ATP8B4: variants seen among roughly 807,000 people sequenced by gnomAD.
ATP8B4 encodes the protein ATPase phospholipid transporting 8B4 (putative), also known as probable phospholipid-transporting ATPase IM.
In ATP8B4, 133 loss-of-function variants were observed where a neutral mutation model predicts 145.6. That is an observed-to-expected ratio of 0.91 (90% CI 0.79 to 1.05). The LOEUF (loss-of-function observed/expected upper bound fraction) is 1.05. Among genes scored for constraint, ATP8B4 ranks in the 50% least tolerant of loss-of-function variants. The probability of loss-of-function intolerance (pLI) is 0.00; values close to 1 mark genes in which losing one functional copy is unlikely to be tolerated. For missense variants in ATP8B4, 1,458 were observed against 1,425.2 expected (o/e 1.02, Z -0.37); for synonymous variants, 507 against 492.9 (o/e 1.03, Z -0.38).
chr15:49,963,711 G>A (rs1463197429), intron 13 of ATP8B4, among the ~76,000 whole-genome samples: 1 of 152,102 alleles, frequency 6.6e-6, no homozygotes, highest in Admixed American at 6.5e-5. Context: ...TGAATGATGA[G>A]AACACATGGA....
chr15:49,954,979 A>C (rs766527676), intron 14 of ATP8B4, among the ~76,000 whole-genome samples: 1 of 152,250 alleles, frequency 6.6e-6, no homozygotes, highest in African/African-American at 2.4e-5. Context: ...TACACTATGC[A>C]GTACTATGCA....
At chr15:50,080,735 C>T (rs1009699482) in intron 2 of ATP8B4, among the ~76,000 whole-genome samples, 1 of 152,056 alleles carries the variant, frequency 6.6e-6, no homozygotes, top group African/African-American at 2.4e-5. Flanking sequence ...GTCTGGCCCC[C>T]TGCTAGAAAT....
At chr15:49,991,590 G>A (rs75457831) in intron 9 of ATP8B4, among the ~76,000 whole-genome samples, 4,726 of 152,198 alleles carry the variant, frequency 0.031, 252 homozygotes, top group African/African-American at 0.11. Context: ...TATAATATTA[G>A]ATCAAGTTAT....
intron 2 of ATP8B4, among the ~76,000 whole-genome samples, chr15:50,085,885 T>TTATATATGATATATATCATATATATA (rs2054898604): frequency 2.9e-5 from 2 of 69,398 alleles, no homozygotes; most frequent in African/African-American, 1.1e-4. Flanking sequence ...ATTTATATAT[T>TTATATATGATATATATCATATATATA]TATATATGAT....
intron 14 of ATP8B4, among the ~76,000 whole-genome samples, chr15:49,942,289 T>G (rs980194651): frequency 1.5e-4 from 23 of 151,884 alleles, no homozygotes; most frequent in Admixed American, 3.3e-4. Context: ...TAATAAAAGA[T>G]GAAGTACATT....
intron 3 of ATP8B4, among the ~76,000 whole-genome samples, chr15:50,055,158 G>T (rs1785255996): frequency 1.3e-5 from 2 of 152,178 alleles, no homozygotes; most frequent in Admixed American, 1.3e-4. Flanking sequence ...TATGAGTGGG[G>T]AGGCTGCCAA....
At position 50,161,434 on chromosome 15, in the gene ATP8B4, TCTC is replaced by T. The variant is rs539263710; in HGVS notation, c.-43+20824_-43+20826del. ...TTGTTTTCTGGTTGTTTTGTGATCT[TCTC>T]TTCTTCCTTCCTTCTTGTCTTCCTT... On this transcript the variant is annotated intron_variant, in intron 1 of 3. Coordinates refer to the ATP8B4 transcript ENST00000558829. 1.3e-3 allele frequency among the ~76,000 whole-genome samples: 198 copies of T among 152,222 alleles called. 2 individuals are homozygous for T. Among genetic ancestry groups the T allele is most frequent in the African/African-American group, 4.7e-3 (196 of 41,568 alleles).
intron 25 of ATP8B4, among the ~76,000 whole-genome samples, chr15:49,875,055 G>T (rs935759318): frequency 6.6e-6 from 1 of 152,110 alleles, no homozygotes; most frequent in Non-Finnish European, 1.5e-5. Context: ...ACCAAAAATT[G>T]TAGGGTTAAT....
At chr15:50,114,055 G>A (rs146318276) in intron 1 of ATP8B4, among the ~76,000 whole-genome samples, 26 of 134,532 alleles carry the variant, frequency 1.9e-4, no homozygotes, top group Admixed American at 3.2e-4. Flanking sequence ...GCTTCTCTTC[G>A]TCCTCTCACA....
chr15:50,127,696 A>G (rs1489545487), intron 1 of ATP8B4, among the ~76,000 whole-genome samples: 2 of 152,196 alleles, frequency 1.3e-5, no homozygotes, highest in Non-Finnish European at 2.9e-5. Context: ...AATTGATCCT[A>G]CAGAACTAGA....
chr15:49,946,288 A>C (rs1269901332), intron 14 of ATP8B4, among the ~76,000 whole-genome samples: 5 of 152,242 alleles, frequency 3.3e-5, no homozygotes, highest in African/African-American at 9.6e-5. Flanking sequence ...AAGGAATAAC[A>C]TTAACGAAGG....
In ATP8B4 at chr15:49,972,718, T is replaced by G. The variant is rs773977587; in HGVS notation, c.1107A>C (p.Ala369=). Residue 369 remains alanine (A), a synonymous_variant, in exon 13 of 28, where the codon GCA becomes GCC. Transcript: ENST00000284509. ...TGGTCGTTCGAGCCACTGCAGGTAT[T>G]GCTTTTCGAGAATAATACATCTTCC... The part of the protein sequence containing the change: ...WDRKMYYSRK[A]IPAVARTTTL... 1 of 1,614,078 alleles carries G rather than the reference T, an allele frequency of 6.2e-7. No homozygotes were observed. The highest frequency in any genetic ancestry group is 1.1e-5 in the South Asian group (1 of 91,076).
At chr15:49,946,156 A>C (rs2042547554) in intron 14 of ATP8B4, among the ~76,000 whole-genome samples, 1 of 152,190 alleles carries the variant, frequency 6.6e-6, no homozygotes, top group South Asian at 2.1e-4. Flanking sequence ...CAAGACAAAA[A>C]ATTTTAAAAA....
intron 3 of ATP8B4, among the ~76,000 whole-genome samples, chr15:50,070,944 T>C (rs966331550): frequency 3.9e-5 from 6 of 152,160 alleles, no homozygotes; most frequent in African/African-American, 1.4e-4. Flanking sequence ...GGTTTCACCA[T>C]ATTGGCCAGG....
At chr15:50,050,608 G>A in intron 3 of ATP8B4, among the ~76,000 whole-genome samples, 1 of 150,168 alleles carries the variant, frequency 6.7e-6, no homozygotes. Flanking sequence ...CAAAGCTGTA[G>A]ACAAATATAC....
rs576713410 is a variant in ATP8B4, at chr15:49,898,200, T to C, written c.2341A>G (p.Met781Val). 34 of 1,613,880 alleles carry C rather than the reference T, an allele frequency of 2.1e-5. No individual in the cohort carries two copies. In the East Asian group the frequency reaches 2.2e-4, roughly 11 times the overall value. Reference protein sequence around the residue: ...VKNDLLELACMCKTVICCRVT... With the variant: ...VKNDLLELACVCKTVICCRVT... Reference sequence around the variant, plus strand: ...CTGCAGCAAATTACAGTCTTACACATGCAAGCAAGTTCTAGGAGATCATTC... The same window carrying C: ...CTGCAGCAAATTACAGTCTTACACACGCAAGCAAGTTCTAGGAGATCATTC... The change falls in exon 22 of 28, where the codon ATG becomes GTG. Residue 781 changes from methionine (M) to valine (V), a missense_variant. Coordinates refer to ENST00000284509, the MANE Select transcript of ATP8B4 (RefSeq NM_024837.4).
intron 12 of ATP8B4, among the ~76,000 whole-genome samples, chr15:49,973,706 C>G (rs534567599): frequency 1.3e-5 from 2 of 152,268 alleles, no homozygotes; most frequent in East Asian, 3.9e-4. Flanking sequence ...GCTCCAGAAG[C>G]AGAATTTTTA....
At chr15:50,068,372 C>T (rs2053520298) in intron 3 of ATP8B4, among the ~76,000 whole-genome samples, 1 of 152,004 alleles carries the variant, frequency 6.6e-6, no homozygotes, top group Non-Finnish European at 1.5e-5. Context: ...TTACCAACCA[C>T]AAAAAATCAT....
chr15:50,080,652 C>T (rs1232462895), intron 2 of ATP8B4, among the ~76,000 whole-genome samples: 1 of 151,846 alleles, frequency 6.6e-6, no homozygotes, highest in East Asian at 1.9e-4. Context: ...AGGCTGGTCC[C>T]GAACTCCTGG....
Sources: gnomAD v4.1 joint callset for allele counts (sites outside exome capture counted in the v4.1 genomes callset) on GRCh38, gnomAD v4.1.1 for gene constraint, MANE v1.5 for transcripts, NCBI Gene and HGNC (gene_info 2026-07-23, HGNC 2026-07-21) for gene names.